Variants in NT5DC1 observed in about 807,000 individuals in gnomAD.
NT5DC1 encodes the protein 5'-nucleotidase domain containing 1.
In NT5DC1, 42 loss-of-function variants were observed where a neutral mutation model predicts 59.4. The ratio of observed to expected loss-of-function variants is 0.71; its 90% CI spans 0.55 to 0.92. The LOEUF is 0.92. Among genes scored for constraint, NT5DC1 ranks in the 40% least tolerant of loss-of-function variants. The pLI is 0.00. For missense variants in NT5DC1, 501 were observed against 537.1 expected (o/e 0.93, Z 0.66); for synonymous variants, 172 against 188.1 (o/e 0.91, Z 0.70).
intron 6 of NT5DC1, among the ~76,000 whole-genome samples, chr6:116,213,305 C>T (rs980726845): frequency 6.6e-6 from 1 of 152,090 alleles, no homozygotes; most frequent in Non-Finnish European, 1.5e-5. Flanking sequence ...GCTCAACACT[C>T]AGCTGGGGCT....
intron 6 of NT5DC1, among the ~76,000 whole-genome samples, chr6:116,169,388 G>A (rs1780557619): frequency 6.6e-6 from 1 of 152,162 alleles, no homozygotes; most frequent in Non-Finnish European, 1.5e-5. Context: ...TCCAGTTTAT[G>A]ACTGTTACAA....
chr6:116,147,049 G>A (rs115202382), intron 6 of NT5DC1, among the ~76,000 whole-genome samples: 135 of 150,116 alleles, frequency 9.0e-4, no homozygotes, highest in East Asian at 4.3e-3. Flanking sequence ...TTTGAAGTAC[G>A]ACCTCAAACC....
At chr6:116,190,750 T>C (rs1389474979) in intron 6 of NT5DC1, among the ~76,000 whole-genome samples, 1 of 151,974 alleles carries the variant, frequency 6.6e-6, no homozygotes, top group Non-Finnish European at 1.5e-5. Context: ...GAGAGTCATG[T>C]GGTATGTAAA....
chr6:116,225,940 G>T (rs926292530), intron 8 of NT5DC1, among the ~76,000 whole-genome samples: 4 of 152,132 alleles, frequency 2.6e-5, no homozygotes, highest in African/African-American at 9.7e-5. Flanking sequence ...TTGGAGGGGG[G>T]TGGAGGCTGG....
intron 6 of NT5DC1, among the ~76,000 whole-genome samples, chr6:116,200,081 A>G (rs927449916): frequency 6.6e-6 from 1 of 151,902 alleles, no homozygotes; most frequent in Non-Finnish European, 1.5e-5. Flanking sequence ...ATCAACAGTG[A>G]CCCTTAATAG....
At chr6:116,139,751 G>A in intron 6 of NT5DC1, among the ~76,000 whole-genome samples, 1 of 152,064 alleles carries the variant, frequency 6.6e-6, no homozygotes, top group East Asian at 1.9e-4. Flanking sequence ...ATAGGAATTT[G>A]ACAGTTTTTT....
At chr6:116,163,593 G>T (rs1378905749) in intron 6 of NT5DC1, among the ~76,000 whole-genome samples, 1 of 151,740 alleles carries the variant, frequency 6.6e-6, no homozygotes, top group Non-Finnish European at 1.5e-5. Flanking sequence ...TTGATCCCTT[G>T]TGTGATATTT....
At chr6:116,185,106 A>G (rs1315692735) in intron 6 of NT5DC1, among the ~76,000 whole-genome samples, 1 of 152,030 alleles carries the variant, frequency 6.6e-6, no homozygotes, top group Non-Finnish European at 1.5e-5. Context: ...TTCCATCTTG[A>G]GTTCATTGTT....
chr6:116,226,239 C>T (rs1781907266), intron 8 of NT5DC1, among the ~76,000 whole-genome samples: 1 of 151,848 alleles, frequency 6.6e-6, no homozygotes, highest in Non-Finnish European at 1.5e-5. Flanking sequence ...TAAGTAAGTA[C>T]CCAATAAATA....
chr6:116,129,623 G>A (rs1233755497), intron 6 of NT5DC1, among the ~76,000 whole-genome samples: 4 of 152,104 alleles, frequency 2.6e-5, no homozygotes, highest in Admixed American at 1.3e-4. Flanking sequence ...TCCAGATACC[G>A]GTGCCATCCT....
chr6:116,226,136 T>C (rs1299281925), intron 8 of NT5DC1, among the ~76,000 whole-genome samples: 1 of 152,236 alleles, frequency 6.6e-6, no homozygotes, highest in Non-Finnish European at 1.5e-5. Context: ...TAAGAAATAA[T>C]CTGTTATCAA....
intron 8 of NT5DC1, among the ~76,000 whole-genome samples, chr6:116,235,341 C>G (rs1016434031): frequency 1.3e-5 from 2 of 152,092 alleles, no homozygotes; most frequent in Non-Finnish European, 2.9e-5. Flanking sequence ...TTCTTAGACC[C>G]TTTTAATGTT....
intron 2 of NT5DC1, among the ~76,000 whole-genome samples, chr6:116,108,008 G>A (rs984545311): frequency 2.6e-5 from 4 of 152,044 alleles, no homozygotes; most frequent in Non-Finnish European, 5.9e-5. Flanking sequence ...GTGTGTGTGT[G>A]TATGTGTGTT....
At chr6:116,135,872 TACAC>T (rs71554839) in intron 6 of NT5DC1, among the ~76,000 whole-genome samples, 1 of 121,306 alleles carries the variant, frequency 8.2e-6, no homozygotes, top group Non-Finnish European at 1.7e-5. Context: ...TATATATATA[TACAC>T]ACATACACAC....
chr6:116,123,145 G>T (rs905403958), intron 6 of NT5DC1, among the ~76,000 whole-genome samples: 4 of 152,144 alleles, frequency 2.6e-5, no homozygotes, highest in African/African-American at 9.7e-5. Flanking sequence ...TAAGGGTCAT[G>T]TTCACACTAA....
At chr6:116,209,595 G>C (rs1419610509) in intron 6 of NT5DC1, among the ~76,000 whole-genome samples, 1 of 151,958 alleles carries the variant, frequency 6.6e-6, no homozygotes, top group Admixed American at 6.6e-5. Flanking sequence ...AGGTAACCTT[G>C]TGACAAGCTT....
At chr6:116,214,188 T>C (rs1341809203) in intron 6 of NT5DC1, among the ~76,000 whole-genome samples, 1 of 152,064 alleles carries the variant, frequency 6.6e-6, no homozygotes, top group Non-Finnish European at 1.5e-5. Flanking sequence ...TTTTTCTACT[T>C]TACATGCAAG....
At chr6:116,142,753 T>A (rs545026133) in intron 6 of NT5DC1, among the ~76,000 whole-genome samples, 1 of 152,318 alleles carries the variant, frequency 6.6e-6, no homozygotes, top group South Asian at 2.1e-4. Context: ...ACTGCTTTTC[T>A]TGTTTCTTTT....
chr6:116,200,925 T>G (rs1781334078), intron 6 of NT5DC1, among the ~76,000 whole-genome samples: 1 of 152,032 alleles, frequency 6.6e-6, no homozygotes. Context: ...GCCTTACAAC[T>G]TACCAGTGCT....
Sources: gnomAD v4.1 joint callset for allele counts (sites outside exome capture counted in the v4.1 genomes callset) on GRCh38, gnomAD v4.1.1 for gene constraint, MANE v1.5 for transcripts, NCBI Gene and HGNC (gene_info 2026-07-23, HGNC 2026-07-21) for gene names.